Variants in SLC25A21 observed in about 807,000 individuals in gnomAD.
SLC25A21 encodes mitochondrial 2-oxodicarboxylate carrier.
In SLC25A21, 47 loss-of-function variants were observed where a neutral mutation model predicts 43.8. That is an observed-to-expected ratio of 1.07 (90% CI 0.85 to 1.37). SLC25A21 has a LOEUF of 1.37. Ranked by LOEUF, SLC25A21 falls within the 40% of genes most tolerant of loss-of-function variation. SLC25A21 has a pLI of 0.00. For missense variants in SLC25A21, 352 were observed against 350.2 expected (o/e 1.00, Z -0.04); for synonymous variants, 131 against 121.3 (o/e 1.08, Z -0.52).
At chr14:37,017,078 A>G (rs1225406776) in intron 1 of SLC25A21, among the ~76,000 whole-genome samples, 3 of 152,080 alleles carry the variant, frequency 2.0e-5, no homozygotes, top group Non-Finnish European at 4.4e-5. Flanking sequence ...CTGGAATAGT[A>G]CTTTTCATTT....
chr14:37,005,808 G>A (rs370489809), intron 1 of SLC25A21, among the ~76,000 whole-genome samples: 40 of 152,248 alleles, frequency 2.6e-4, no homozygotes, highest in African/African-American at 8.4e-4. Flanking sequence ...CATAAAACAC[G>A]CATGTACTTG....
chr14:36,733,375 A>T (rs938563512), intron 4 of SLC25A21, among the ~76,000 whole-genome samples: 1 of 152,332 alleles, frequency 6.6e-6, no homozygotes, highest in South Asian at 2.1e-4. Flanking sequence ...CAAAATTTGT[A>T]TTGAAGTGAT....
At chr14:37,038,550 C>T (rs907052441) in intron 1 of SLC25A21, among the ~76,000 whole-genome samples, 1 of 152,006 alleles carries the variant, frequency 6.6e-6, no homozygotes, top group Non-Finnish European at 1.5e-5. Flanking sequence ...CTCTTAAATT[C>T]CTATTTAAGG....
chr14:36,706,225 C>A (rs1217790813), intron 7 of SLC25A21, among the ~76,000 whole-genome samples: 1 of 152,222 alleles, frequency 6.6e-6, no homozygotes, highest in Non-Finnish European at 1.5e-5. Flanking sequence ...TCCCTCATCA[C>A]ATCATCGGGA....
intron 3 of SLC25A21, among the ~76,000 whole-genome samples, chr14:36,734,803 G>A (rs1409484943): frequency 6.6e-6 from 1 of 152,136 alleles, no homozygotes; most frequent in East Asian, 1.9e-4. Context: ...AAGTTGCTAA[G>A]CATGACCATT....
intron 1 of SLC25A21, among the ~76,000 whole-genome samples, chr14:36,983,113 G>C (rs1371362719): frequency 6.6e-6 from 1 of 152,048 alleles, no homozygotes; most frequent in Non-Finnish European, 1.5e-5. Flanking sequence ...AAAAAGAAAA[G>C]TTACTTTTCT....
chr14:36,842,302 T>G (rs1889408267), intron 2 of SLC25A21, among the ~76,000 whole-genome samples: 1 of 152,220 alleles, frequency 6.6e-6, no homozygotes, highest in Admixed American at 6.5e-5. Flanking sequence ...CTCAACCTTC[T>G]TTGTAACTTG....
intron 1 of SLC25A21, among the ~76,000 whole-genome samples, chr14:37,076,105 A>G (rs1413327459): frequency 6.6e-6 from 1 of 152,198 alleles, no homozygotes; most frequent in Non-Finnish European, 1.5e-5. Context: ...AAAAATGACA[A>G]TTCAGTTGAA....
At chr14:36,968,401 A>G (rs751204978) in intron 1 of SLC25A21, among the ~76,000 whole-genome samples, 7 of 152,086 alleles carry the variant, frequency 4.6e-5, no homozygotes, top group Admixed American at 1.3e-4. Context: ...AATGTAGTGG[A>G]GCAGTGAATT....
chr14:37,138,188 A>T (rs115716434), intron 1 of SLC25A21, among the ~76,000 whole-genome samples: 2 of 152,162 alleles, frequency 1.3e-5, no homozygotes, highest in Non-Finnish European at 2.9e-5. Context: ...TTAAAAAGCA[A>T]CTCAAGAAAT....
chr14:36,929,725 A>AGT (rs374595299), intron 1 of SLC25A21, among the ~76,000 whole-genome samples: 2 of 152,304 alleles, frequency 1.3e-5, no homozygotes, highest in African/African-American at 4.8e-5. Flanking sequence ...TAAAAAGAAC[A>AGT]GTGGCAAAAG....
Position 36,748,469 on chromosome 14 carries a change from G to A in SLC25A21, c.204-13896C>T, listed in dbSNP as rs79985419. Among the ~76,000 whole-genome samples, 6 of 152,170 alleles carry A rather than the reference G, an allele frequency of 3.9e-5. No homozygotes were observed. In the East Asian group the frequency reaches 9.6e-4, roughly 24 times the overall value. On this transcript the variant is annotated intron_variant, in intron 3 of 9. Coordinates refer to ENST00000331299, the MANE Select transcript of SLC25A21 (RefSeq NM_030631.4). ...AGCTTTCTGGATTTACTGAGTCAAC[G>A]TCTACATGTACTTTATAGACTTCTG...
intron 6 of SLC25A21, among the ~76,000 whole-genome samples, chr14:36,716,119 T>C (rs1241300675): frequency 6.6e-6 from 1 of 151,718 alleles, no homozygotes; most frequent in Non-Finnish European, 1.5e-5. Flanking sequence ...AATAAATAAA[T>C]AAGCAGATCC....
chr14:37,124,400 T>C (rs1963261979), intron 1 of SLC25A21, among the ~76,000 whole-genome samples: 1 of 152,180 alleles, frequency 6.6e-6, no homozygotes, highest in Non-Finnish European at 1.5e-5. Flanking sequence ...AGCAGTTCTG[T>C]AAACAGAAGA....
intron 1 of SLC25A21, among the ~76,000 whole-genome samples, chr14:36,922,099 A>G (rs1360336789): frequency 1.3e-5 from 2 of 151,574 alleles, no homozygotes; most frequent in African/African-American, 4.9e-5. Context: ...AGATTGCATC[A>G]CTGCACTCCA....
At chr14:36,813,876 A>T in intron 3 of SLC25A21, 42 bp downstream of exon 3, 1 of 1,350,432 alleles carries the variant, frequency 7.4e-7, no homozygotes, top group South Asian at 1.3e-5. Flanking sequence ...AAACATGTTA[A>T]GTAGAAACAT....
chr14:36,854,245 GA>G (rs766445337), intron 2 of SLC25A21, among the ~76,000 whole-genome samples: 3 of 152,176 alleles, frequency 2.0e-5, no homozygotes, highest in Non-Finnish European at 2.9e-5. Flanking sequence ...ATACATTATA[GA>G]CACATACACA....
intron 5 of SLC25A21, among the ~76,000 whole-genome samples, chr14:36,726,911 A>G (rs1459355810): frequency 6.6e-6 from 1 of 152,130 alleles, no homozygotes; most frequent in Non-Finnish European, 1.5e-5. Flanking sequence ...ACGGAGGGAG[A>G]AAGGAATATC....
In SLC25A21 at chr14:37,093,388, T is replaced by G. The variant is rs139328072; in HGVS notation, c.70+78893A>C. Among the ~76,000 whole-genome samples the G allele has an allele frequency of 5.6e-3, 850 of 152,360 alleles. 5 individuals carry two copies. The highest frequency in any genetic ancestry group is 0.014 in the African/African-American group (602 of 41,594). ...GATTAGGATAATGAATAGAACTGAA[T>G]GTTACCCACGCTTCATTCATAAATA... On this transcript the variant is annotated intron_variant, in intron 1 of 9. Coordinates refer to ENST00000331299, the MANE Select transcript of SLC25A21 (RefSeq NM_030631.4).
Sources: gnomAD v4.1 joint callset for allele counts (sites outside exome capture counted in the v4.1 genomes callset) on GRCh38, gnomAD v4.1.1 for gene constraint, MANE v1.5 for transcripts, NCBI Gene and HGNC (gene_info 2026-07-23, HGNC 2026-07-21) for gene names.